The following SLC24A2 variants were observed in gnomAD, a reference collection of about 807,000 sequenced individuals.
SLC24A2 encodes the protein sodium/potassium/calcium exchanger 2.
Under a neutral mutation model 62.0 loss-of-function variants are expected in SLC24A2, and 36 were observed. The observed-to-expected ratio is 0.58, with a 90% CI of 0.44 to 0.77. The LOEUF (loss-of-function observed/expected upper bound fraction) is 0.77, where lower values mean the gene tolerates loss of function less well. Ranked by LOEUF, SLC24A2 falls within the 30% of genes least tolerant of loss-of-function variation. The pLI is 0.00. For missense variants in SLC24A2, 846 were observed against 817.9 expected, an observed-to-expected ratio of 1.03 and a Z score of -0.42; for synonymous variants, 358 against 294.0, an observed-to-expected ratio of 1.22 and a Z score of -2.23.
intron 2 of SLC24A2, among the ~76,000 whole-genome samples, chr9:19,771,318 T>G (rs1822680525): frequency 6.6e-6 from 1 of 152,224 alleles, no homozygotes; most frequent in Non-Finnish European, 1.5e-5. Flanking sequence ...GTTCTATTTA[T>G]TTTCCTCAAG....
At chr9:19,528,318 G>A (rs1028336824) in intron 8 of SLC24A2, among the ~76,000 whole-genome samples, 180 bp from the exon 9 acceptor site, 5 of 152,148 alleles carry the variant, frequency 3.3e-5, no homozygotes, top group African/African-American at 9.7e-5. Flanking sequence ...ATTCTCCCTT[G>A]GAGATGTGAA....
intron 8 of SLC24A2, among the ~76,000 whole-genome samples, chr9:19,529,385 C>T (rs1833590386): frequency 6.6e-6 from 1 of 152,164 alleles, no homozygotes; most frequent in South Asian, 2.1e-4. Flanking sequence ...GTCTCTATTG[C>T]TCCAAACCAG....
At chr9:19,622,940 T>C (rs1156893463) in intron 2 of SLC24A2, among the ~76,000 whole-genome samples, 2 of 152,178 alleles carry the variant, frequency 1.3e-5, no homozygotes, top group African/African-American at 2.4e-5. Context: ...AGATAACCCA[T>C]CTTTCCTTCT....
At chr9:19,580,621 G>C (rs10811211) in intron 5 of SLC24A2, among the ~76,000 whole-genome samples, 5,148 of 152,300 alleles carry the variant, frequency 0.034, 334 homozygotes, top group East Asian at 0.3. Flanking sequence ...AAACTGTGAA[G>C]AACAGCAAAC....
intron 4 of SLC24A2, among the ~76,000 whole-genome samples, chr9:19,602,451 T>C (rs1217171545): frequency 6.6e-6 from 1 of 152,186 alleles, no homozygotes; most frequent in Non-Finnish European, 1.5e-5. Flanking sequence ...TAATGACCAA[T>C]GATGTCATGC....
At chr9:20,022,945 G>C in the SLC24A2 span, among the ~76,000 whole-genome samples, 1 of 152,192 alleles carries the variant, frequency 6.6e-6, no homozygotes, top group African/African-American at 2.4e-5. Context: ...GCAGAGAGAG[G>C]TATGGTCATG....
the SLC24A2 span, among the ~76,000 whole-genome samples, chr9:20,097,616 G>C: frequency 1.3e-5 from 2 of 151,128 alleles, no homozygotes; most frequent in Admixed American, 6.6e-5. Context: ...AGGTTGGACT[G>C]GGTATCTGAT....
chr9:19,831,360 GT>G, the SLC24A2 span, among the ~76,000 whole-genome samples: 1 of 152,030 alleles, frequency 6.6e-6, no homozygotes, highest in African/African-American at 2.4e-5. Context: ...AAAGTCCACT[GT>G]TTTTTATAGC....
chr9:19,934,636 G>A, the SLC24A2 span, among the ~76,000 whole-genome samples: 2 of 152,218 alleles, frequency 1.3e-5, no homozygotes, highest in Non-Finnish European at 1.5e-5. The surrounding 1 kb of genome is among the most constrained non-coding windows in gnomAD (Gnocchi z 4.1). Context: ...TCATTTAAGT[G>A]GTAATTTCCT....
At chr9:20,239,480 A>G in the SLC24A2 span, among the ~76,000 whole-genome samples, 41 of 150,856 alleles carry the variant, frequency 2.7e-4, no homozygotes, top group African/African-American at 1.0e-3. Context: ...GGTCAGGGAG[A>G]GTTGGGCCTT....
At chr9:19,950,217 T>A in the SLC24A2 span, among the ~76,000 whole-genome samples, 1 of 152,182 alleles carries the variant, frequency 6.6e-6, no homozygotes, top group Non-Finnish European at 1.5e-5. Flanking sequence ...ATCTTCCTTA[T>A]AGGGTTGTTG....
chr9:20,251,323 T>A, the SLC24A2 span, among the ~76,000 whole-genome samples: 1 of 137,974 alleles, frequency 7.2e-6, no homozygotes, highest in Admixed American at 7.3e-5. Flanking sequence ...AGAAGCAGAA[T>A]GAGTCTAGCA....
intron 2 of SLC24A2, among the ~76,000 whole-genome samples, chr9:19,685,239 C>T (rs1192805448): frequency 1.3e-5 from 2 of 152,080 alleles, no homozygotes; most frequent in African/African-American, 4.8e-5. Flanking sequence ...AATTACAAAA[C>T]ATTGCTCAAA....
rs555242664 is a variant in SLC24A2 at position 19,603,083 on chromosome 9, T to C, written c.1079-5804A>G. Among the ~76,000 whole-genome samples, 7 of 152,274 alleles carry C rather than the reference T, an allele frequency of 4.6e-5. No individual in the cohort carries two copies. The East Asian group carries it at 7.7e-4, about 17-fold the overall frequency. The stretch of plus-strand genomic sequence containing the variant: ...AACATAGAATATCTGAAACCATCCA[T>C]GCAACAGTTGGAATTCATTTCTAAT... On this transcript the variant is annotated intron_variant, in intron 4 of 10. Transcript: ENST00000341998.
chr9:19,999,264 C>G, the SLC24A2 span, among the ~76,000 whole-genome samples: 1,267 of 152,342 alleles, frequency 8.3e-3, 20 homozygotes, highest in African/African-American at 0.03. Flanking sequence ...TGTTCATTAA[C>G]ATCCCTGAAG....
the SLC24A2 span, among the ~76,000 whole-genome samples, chr9:19,989,001 C>G: frequency 6.6e-6 from 1 of 152,126 alleles, no homozygotes; most frequent in Non-Finnish European, 1.5e-5. Context: ...TATCCAGCAG[C>G]AGAGAAATAA....
chr9:19,529,606 A>G, intron 8 of SLC24A2, among the ~76,000 whole-genome samples: 1 of 152,026 alleles, frequency 6.6e-6, no homozygotes, highest in East Asian at 1.9e-4. Context: ...CTTACCCTCA[A>G]ATGCTTTTCC....
the SLC24A2 span, among the ~76,000 whole-genome samples, chr9:19,831,103 TG>T: frequency 1.3e-5 from 2 of 152,174 alleles, no homozygotes; most frequent in Non-Finnish European, 2.9e-5. Flanking sequence ...ATCCCATTCA[TG>T]GGGGTTCTGC....
Position 19,789,023 on chromosome 9 carries a change from G to C in SLC24A2, c.-292C>G, listed in dbSNP as rs1294754844. ...CTGCCGCTCTCGCCAGCCGGGCTGGGTTCGGGAGGAGACTGAGCCGCTGTG... is the reference window on the plus strand; with the variant it reads ...CTGCCGCTCTCGCCAGCCGGGCTGGCTTCGGGAGGAGACTGAGCCGCTGTG... On this transcript the variant is annotated 5_prime_UTR_variant, in exon 1 of 11. Transcript: ENST00000341998. 16 of 895,850 alleles carry C rather than the reference G, an allele frequency of 1.8e-5. No individual in the cohort carries two copies. The highest frequency in any genetic ancestry group is 2.0e-5 in the Non-Finnish European group (15 of 748,356). 55.5% of individuals were successfully genotyped at this position (895,850 alleles called of 1,614,324 possible).
Sources: gnomAD v4.1 joint callset for allele counts (sites outside exome capture counted in the v4.1 genomes callset) on GRCh38, gnomAD v4.1.1 for gene constraint, Gnocchi (gnomAD v3.1) non-coding constraint, MANE v1.5 for transcripts, NCBI Gene and HGNC (gene_info 2026-07-23, HGNC 2026-07-21) for gene names.